PXDNL: variants seen among roughly 807,000 people sequenced by gnomAD.
The protein encoded by PXDNL is peroxidasin like, also known as probable oxidoreductase PXDNL.
Under a neutral mutation model 150.8 loss-of-function variants are expected in PXDNL, and 145 were observed. The ratio of observed to expected loss-of-function variants is 0.96; its 90% CI spans 0.84 to 1.10. PXDNL has a LOEUF of 1.10. Among genes scored for constraint, PXDNL ranks in the 50% least tolerant of loss-of-function variants. The pLI is 0.00. For missense variants in PXDNL, 2,087 were observed against 1,873.9 expected, an observed-to-expected ratio of 1.11 and a Z score of -2.10; for synonymous variants, 757 against 725.7, an observed-to-expected ratio of 1.04 and a Z score of -0.69.
chr8:51,670,512 T>C (rs1198069986), intron 1 of PXDNL, among the ~76,000 whole-genome samples: 8 of 152,330 alleles, frequency 5.3e-5, no homozygotes, highest in Middle Eastern at 6.8e-3. Context: ...TAGGCAATTG[T>C]AATACAATGG....
At chr8:51,345,805 T>C (rs1010078593) in intron 20 of PXDNL, 28 bp downstream of exon 20, 1 of 1,420,832 alleles carries the variant, frequency 7.0e-7, no homozygotes, top group Non-Finnish European at 9.9e-7. Context: ...GTAAGTTGCC[T>C]AAAGAAATGA....
At chr8:51,664,463 C>G (rs1205094922) in intron 1 of PXDNL, among the ~76,000 whole-genome samples, 1 of 152,110 alleles carries the variant, frequency 6.6e-6, no homozygotes, top group Non-Finnish European at 1.5e-5. Context: ...AAATGTGGCT[C>G]CTCCAAATGC....
intron 1 of PXDNL, among the ~76,000 whole-genome samples, chr8:51,690,903 C>A (rs1444651047): frequency 2.6e-5 from 4 of 152,112 alleles, no homozygotes; most frequent in Non-Finnish European, 5.9e-5. Flanking sequence ...TTTTGATTTG[C>A]ATTTCTCTGA....
chr8:51,486,753 TATATATATATATATATATA>T (rs1810748325), intron 5 of PXDNL, among the ~76,000 whole-genome samples: 255 of 21,748 alleles, frequency 0.012, 2 homozygotes, highest in South Asian at 0.02. Flanking sequence ...AAAAAGTTTA[TATATATATATATATATATA>T]TATATATATA....
intron 1 of PXDNL, among the ~76,000 whole-genome samples, chr8:51,798,463 C>T (rs2037585688): frequency 6.6e-6 from 1 of 152,090 alleles, no homozygotes; most frequent in South Asian, 2.1e-4. Flanking sequence ...CCAAAATCTG[C>T]AAGGAACTTA....
At chr8:51,728,517 T>A (rs1341055734) in intron 1 of PXDNL, among the ~76,000 whole-genome samples, 3 of 152,110 alleles carry the variant, frequency 2.0e-5, no homozygotes, top group African/African-American at 4.8e-5. Flanking sequence ...ATATTGATGA[T>A]CCTGATCCTG....
intron 4 of PXDNL, among the ~76,000 whole-genome samples, chr8:51,511,011 G>A (rs758124122): frequency 6.6e-6 from 1 of 152,168 alleles, no homozygotes; most frequent in Non-Finnish European, 1.5e-5. Context: ...TGCTATCGTG[G>A]TCTAGGAAAG....
At chr8:51,526,778 C>A (rs183784541) in intron 4 of PXDNL, among the ~76,000 whole-genome samples, 2 of 152,300 alleles carry the variant, frequency 1.3e-5, no homozygotes, top group African/African-American at 4.8e-5. Flanking sequence ...CCTGGACCAC[C>A]ATTACCTCTC....
chr8:51,370,269 CCTCTACACGGAGCCAT>C (rs1484308210), intron 19 of PXDNL, among the ~76,000 whole-genome samples: 88 of 152,168 alleles, frequency 5.8e-4, no homozygotes, highest in Admixed American at 1.3e-3. Context: ...GCAGCCCTGG[CCTCTACACGGAGCCAT>C]TGCTTCCTTG....
At chr8:51,527,722 T>C (rs916108806) in intron 4 of PXDNL, among the ~76,000 whole-genome samples, 1 of 152,168 alleles carries the variant, frequency 6.6e-6, no homozygotes, top group Non-Finnish European at 1.5e-5. Context: ...GAGAGAACCA[T>C]CTGCAGGAGT....
At chr8:51,689,132 A>T (rs1468013287) in intron 1 of PXDNL, among the ~76,000 whole-genome samples, 2 of 152,296 alleles carry the variant, frequency 1.3e-5, no homozygotes, top group East Asian at 3.9e-4. Context: ...CCAGCCCACA[A>T]GTCTCTTGGA....
Position 51,807,248 on chromosome 8 carries a change from C to T in PXDNL, c.164+1933G>A, listed in dbSNP as rs141379654. ...TTCTGGGGAGGCCTCAGGAAACTTA[C>T]AATCATCGCAGAAGGCAAAGGGGGA... On this transcript the variant is annotated intron_variant, in intron 1 of 22. Coordinates refer to ENST00000356297, the MANE Select transcript of PXDNL (RefSeq NM_144651.5). Among the ~76,000 whole-genome samples, 328 of 152,262 alleles carry T rather than the reference C, an allele frequency of 2.2e-3. 3 individuals are homozygous for T. The highest frequency in any genetic ancestry group is 7.5e-3 in the African/African-American group (310 of 41,550).
At chr8:51,447,489 A>G (rs1461799612) in intron 11 of PXDNL, among the ~76,000 whole-genome samples, 2 of 152,202 alleles carry the variant, frequency 1.3e-5, no homozygotes, top group African/African-American at 4.8e-5. Context: ...TGATTCTTAA[A>G]TTTGATTTTC....
intron 2 of PXDNL, among the ~76,000 whole-genome samples, chr8:51,638,232 G>C (rs377488797): frequency 2.6e-5 from 4 of 152,270 alleles, no homozygotes; most frequent in East Asian, 1.9e-4. Flanking sequence ...ACCGGTACCA[G>C]CCACTGCAAA....
chr8:51,487,398 ACTCC>A (rs1335796086), intron 5 of PXDNL, among the ~76,000 whole-genome samples: 1 of 151,810 alleles, frequency 6.6e-6, no homozygotes, highest in East Asian at 1.9e-4. Flanking sequence ...TTCAGCTCCT[ACTCC>A]TTGAGAAAAC....
intron 4 of PXDNL, among the ~76,000 whole-genome samples, chr8:51,502,717 A>C (rs1811212740): frequency 1.3e-5 from 2 of 152,156 alleles, no homozygotes; most frequent in South Asian, 4.1e-4. Context: ...TTTATTATAA[A>C]GAAAACTTGA....
intron 4 of PXDNL, among the ~76,000 whole-genome samples, chr8:51,539,753 C>G (rs1043739687): frequency 2.0e-5 from 3 of 152,226 alleles, no homozygotes; most frequent in Admixed American, 1.3e-4. Flanking sequence ...TAAAACTCTT[C>G]AGGATGCTTC....
chr8:51,617,703 G>A (rs1814160212), intron 2 of PXDNL, among the ~76,000 whole-genome samples: 2 of 152,154 alleles, frequency 1.3e-5, no homozygotes, highest in Admixed American at 1.3e-4. Context: ...TTTACAAAAT[G>A]TCTGTAGCAA....
chr8:51,695,317 C>T (rs1816091157), intron 1 of PXDNL, among the ~76,000 whole-genome samples: 1 of 152,098 alleles, frequency 6.6e-6, no homozygotes, highest in Non-Finnish European at 1.5e-5. Context: ...ATAGGGGTTA[C>T]GTTTACCTTC....
Sources: gnomAD v4.1 joint callset for allele counts (sites outside exome capture counted in the v4.1 genomes callset) on GRCh38, gnomAD v4.1.1 for gene constraint, MANE v1.5 for transcripts, NCBI Gene and HGNC (gene_info 2026-07-23, HGNC 2026-07-21) for gene names.